The following VGLL4 variants were observed in gnomAD, a reference collection of about 807,000 sequenced individuals.
VGLL4 encodes transcription cofactor vestigial-like protein 4.
A neutral mutation model predicts 21.0 loss-of-function variants in VGLL4; 7 were observed. The ratio of observed to expected loss-of-function variants is 0.33; its 90% CI spans 0.19 to 0.63. VGLL4 has a LOEUF of 0.63. Among genes scored for constraint, VGLL4 ranks in the 20% least tolerant of loss-of-function variants. The probability of loss-of-function intolerance (pLI) is 0.78; values close to 1 mark genes in which losing one functional copy is unlikely to be tolerated. For synonymous variants in VGLL4, 222 were observed against 173.2 expected (o/e 1.28, Z -2.21); for missense variants, 394 against 425.7 (o/e 0.93, Z 0.66).
intron 1 of VGLL4, among the ~76,000 whole-genome samples, chr3:11,625,083 T>C (rs1249946732): frequency 6.6e-6 from 1 of 152,232 alleles, no homozygotes; most frequent in Non-Finnish European, 1.5e-5. Context: ...GCAATGAACA[T>C]GTCCAGAAAG....
chr3:11,558,359 T>C lies in VGLL4; in HGVS notation c.*197A>G, dbSNP rs556880251. 2.0e-5 allele frequency: 17 copies of C among 830,738 alleles called. No homozygotes were observed. In the African/African-American group the frequency reaches 2.4e-4, roughly 12 times the overall value. The allele number at this position is 830,738 out of a possible 1,614,324, so 51.5% of individuals were successfully genotyped here. On this transcript the variant is annotated 3_prime_UTR_variant, in exon 5 of 5. Transcript: ENST00000430365. ...GTTCCACGCGTAGTTCCTGCTATCA[T>C]GTTTGAGGGCCCCCTTGTACGGATA... is the stretch of plus-strand genomic sequence containing the variant.
At chr3:11,623,059 G>A (rs957808257) in intron 1 of VGLL4, among the ~76,000 whole-genome samples, 1 of 152,100 alleles carries the variant, frequency 6.6e-6, no homozygotes, top group Non-Finnish European at 1.5e-5. Context: ...CCACCTTTTA[G>A]TTATGGATTC....
chr3:11,563,130 G>A (rs2073175101), intron 3 of VGLL4, among the ~76,000 whole-genome samples: 1 of 152,208 alleles, frequency 6.6e-6, no homozygotes, highest in Non-Finnish European at 1.5e-5. Context: ...CCCGCCAAGG[G>A]CCCACCCTGA....
rs539097787 is a variant in VGLL4, at chr3:11,558,341, G to A, written c.*215C>T. ...ATGCTACATTAGACAGATGTTCCAC[G>A]CGTAGTTCCTGCTATCATGTTTGAG... On this transcript the variant is annotated 3_prime_UTR_variant, in exon 5 of 5. Transcript: ENST00000430365. 9.8e-5 allele frequency: 70 copies of A among 714,026 alleles called. 1 individual carries two copies. The Middle Eastern group carries it at 1.2e-3, about 12-fold the overall frequency. The allele number at this position is 714,026 out of a possible 1,614,324, so 44.2% of individuals were successfully genotyped here.
rs1206440367 is a variant in VGLL4, at chr3:11,582,169, T to C, written c.273-17150A>G. On this transcript the variant is annotated intron_variant, in intron 2 of 4. Coordinates refer to ENST00000430365, the MANE Select transcript of VGLL4 (RefSeq NM_001128219.3). ...CCTTCTAAGCAAAGACTACTCTACC[T>C]CTCCCAGCACTTGCTGTCTCGCAGT... 2.4e-6 allele frequency: 3 copies of C among 1,234,918 alleles called. No individual in the cohort carries two copies. The African/African-American group carries it at 4.5e-5, about 19-fold the overall frequency. The allele number at this position is 1,234,918 out of a possible 1,614,324, so 76.5% of individuals were successfully genotyped here.
In VGLL4 at chr3:11,663,463, G is replaced by A. The variant is rs140206922; in HGVS notation, c.64+39508C>T. ...GCAAGGCGCGGTGGCTCACGCCTGC[G>A]ATACCAGCACTTAGGGAGGCCGAGG... On this transcript the variant is annotated intron_variant, in intron 2 of 5. Transcript: ENST00000273038. Among the ~76,000 whole-genome samples the A allele has an allele frequency of 6.1e-4, 93 of 152,124 alleles. No individual in the cohort carries two copies. The East Asian group carries it at 0.016, about 27-fold the overall frequency.
intron 2 of VGLL4, among the ~76,000 whole-genome samples, chr3:11,573,316 GAAGAAAGAAAGAAAGA>G (rs1286422799): frequency 0.098 from 2,002 of 20,528 alleles, 77 homozygotes; most frequent in Middle Eastern, 0.25. Context: ...AGGAAGGAAG[GAAGAAAGAAAGAAAGA>G]AAGAAAGAAA....
At chr3:11,686,167 T>C (rs1320718591) in intron 2 of VGLL4, among the ~76,000 whole-genome samples, 3 of 152,338 alleles carry the variant, frequency 2.0e-5, no homozygotes, top group African/African-American at 7.2e-5. Context: ...ATCCAGCAGC[T>C]CTGCTTCTGG....
chr3:11,590,694 G>C lies in VGLL4; in HGVS notation c.272+11139C>G, dbSNP rs1305568011. Among the ~76,000 whole-genome samples, 4 of 151,832 alleles carry C rather than the reference G, an allele frequency of 2.6e-5. No individual in the cohort carries two copies. In the East Asian group the frequency reaches 5.8e-4, roughly 22 times the overall value. ...TGTGTGTGTGTGTGTGTGTGTGTGT[G>C]TGTGTGTGTGTGTGTGTTTTAACCC... is the stretch of plus-strand genomic sequence containing the variant. On this transcript the variant is annotated intron_variant, in intron 2 of 4. Transcript: ENST00000430365.
intron 2 of VGLL4, among the ~76,000 whole-genome samples, chr3:11,599,940 G>A (rs2074750793): frequency 6.6e-6 from 1 of 152,046 alleles, no homozygotes; most frequent in Admixed American, 6.5e-5. Flanking sequence ...CTATGAGGAA[G>A]GAATTAATAT....
chr3:11,698,287 T>C (rs1182454425), intron 2 of VGLL4, among the ~76,000 whole-genome samples: 1 of 152,118 alleles, frequency 6.6e-6, no homozygotes, highest in Admixed American at 6.5e-5. Context: ...GGCGGGTGGA[T>C]TGCCTGAGCT....
intron 2 of VGLL4, among the ~76,000 whole-genome samples, chr3:11,694,630 A>AG (rs1448884416): frequency 6.6e-6 from 1 of 152,134 alleles, no homozygotes; most frequent in African/African-American, 2.4e-5. Flanking sequence ...AAAAAAAAAA[A>AG]AGAAAAAAGG....
In VGLL4 at chr3:11,559,377, C is replaced by T. The variant is rs1467789633; in HGVS notation, c.574G>A (p.Gly192Ser). The T allele has an allele frequency of 3.2e-6, 5 of 1,554,310 alleles. No homozygotes were observed. The Admixed American group carries it at 5.8e-5, about 18-fold the overall frequency. The change falls in exon 4 of 5, where the codon GGC (glycine) becomes AGC (serine). Residue 192 changes from glycine (G) to serine (S), a missense_variant. Transcript: ENST00000430365. ...NLSHCPIAHS[G>S]CAAPGPASYR... ...CTGGCAGGCCCGGGCGCGGCACAGC[C>T]GCTGTGCGCGATGGGGCAGTGCGAG... is the stretch of plus-strand genomic sequence containing the variant.
chr3:11,663,530 C>T (rs1022414256), intron 2 of VGLL4, among the ~76,000 whole-genome samples: 1 of 152,098 alleles, frequency 6.6e-6, no homozygotes. Context: ...CCAGCCTGGC[C>T]AACATGGCAA....
At chr3:11,644,297 A>ATC (rs1360284288), upstream of VGLL4, among the ~76,000 whole-genome samples, 49 of 152,298 alleles carry the variant, frequency 3.2e-4, no homozygotes, top group African/African-American at 1.2e-3. Flanking sequence ...ATATATATAT[A>ATC]TATAGTGTCT....
At chr3:11,678,074 A>C (rs1159052691) in intron 2 of VGLL4, among the ~76,000 whole-genome samples, 1 of 151,610 alleles carries the variant, frequency 6.6e-6, no homozygotes, top group African/African-American at 2.4e-5. Context: ...TTTTTGAGGC[A>C]ATAGAGTCTC....
intron 1 of VGLL4, among the ~76,000 whole-genome samples, chr3:11,704,309 G>C (rs2076726242): frequency 6.6e-6 from 1 of 150,502 alleles, no homozygotes; most frequent in African/African-American, 2.4e-5. Context: ...CTTGTACCCG[G>C]GAGGCAGAGG....
At chr3:11,646,090 A>T (rs1409962400), upstream of VGLL4, among the ~76,000 whole-genome samples, 1 of 152,236 alleles carries the variant, frequency 6.6e-6, no homozygotes, top group African/African-American at 2.4e-5. Context: ...AGGGGAATCA[A>T]GATTTCACAA....
At chr3:11,563,978 C>CA (rs1253806658) in intron 3 of VGLL4, among the ~76,000 whole-genome samples, 1 of 152,194 alleles carries the variant, frequency 6.6e-6, no homozygotes, top group African/African-American at 2.4e-5. Flanking sequence ...CACAGGGACA[C>CA]AGAGGCTCTT....
Sources: allele counts gnomAD v4.1 joint callset (sites outside exome capture counted in the v4.1 genomes callset), GRCh38; gene constraint gnomAD v4.1.1; transcripts MANE v1.5; gene names NCBI Gene and HGNC (gene_info 2026-07-23, HGNC 2026-07-21).